The following DROSHA variants were observed in gnomAD, a reference collection of about 807,000 sequenced individuals.
DROSHA encodes the protein ribonuclease 3.
Under a neutral mutation model 181.9 loss-of-function variants are expected in DROSHA, and 56 were observed. The observed-to-expected ratio is 0.31, with a 90% confidence interval of 0.25 to 0.38. The LOEUF (loss-of-function observed/expected upper bound fraction) is 0.38. Ranked by LOEUF, DROSHA falls within the 10% of genes least tolerant of loss-of-function variation. DROSHA has a pLI of 1.00. For synonymous variants in DROSHA, 524 were observed against 591.2 expected, an observed-to-expected ratio of 0.89 and a Z score of 1.65; for missense variants, 1,218 against 1,743.5, an observed-to-expected ratio of 0.70 and a Z score of 5.37.
chr5:31,484,952 A>T lies in DROSHA; in HGVS notation c.1925T>A (p.Val642Glu). Residue 642 changes from valine to glutamate, a missense_variant, in exon 15 of 36, where the codon GTG becomes GAG. By Grantham distance (121) the Val-to-Glu change is moderately radical. Transcript: ENST00000344624. Reference sequence around the variant, plus strand: ...CAGTGAAAAGAGTTCAAGCCCTTTCACACAAAAATTCTGAAAAATAAACCA... The same window carrying T: ...CAGTGAAAAGAGTTCAAGCCCTTTCTCACAAAAATTCTGAAAAATAAACCA... ...IEEMMPENFC[V>E]KGLELFSLFL... 1 of 1,540,616 alleles carries T rather than the reference A, an allele frequency of 6.5e-7. No individual in the cohort carries two copies.
intron 16 of DROSHA, among the ~76,000 whole-genome samples, chr5:31,479,775 A>G (rs1750810235): frequency 6.6e-6 from 1 of 152,148 alleles, no homozygotes. Context: ...ATATTTGAAT[A>G]GCATATGTAC....
In DROSHA at chr5:31,409,034, C is replaced by T. The variant is rs1371679662; in HGVS notation, c.3854+22G>A. The T allele has an allele frequency of 3.1e-6, 5 of 1,608,410 alleles. No homozygotes were observed. The highest frequency in any genetic ancestry group is 4.2e-6 in the Non-Finnish European group (5 of 1,176,902). On this transcript the variant is annotated intron_variant, in intron 33 of 35. Transcript: ENST00000344624. The surrounding 1 kb of genome is among the most constrained non-coding windows in gnomAD (Gnocchi z 4.0). The stretch of plus-strand genomic sequence containing the variant: ...TAGGCATGCTGGATCCAACCAATGG[C>T]CTGCAGGCAACAAGTACTTACTTGT...
At chr5:31,440,074 C>T (rs751174513) in intron 23 of DROSHA, among the ~76,000 whole-genome samples, 2 of 152,066 alleles carry the variant, frequency 1.3e-5, no homozygotes, top group Non-Finnish European at 2.9e-5. Context: ...CTTTTATCAA[C>T]TAGCAACTTT....
At chr5:31,455,401 C>T (rs1005144600) in intron 20 of DROSHA, among the ~76,000 whole-genome samples, 5 of 151,536 alleles carry the variant, frequency 3.3e-5, no homozygotes, top group Admixed American at 2.0e-4. Context: ...CTTTAAAAAT[C>T]AAAATAATAG....
rs1740552888 is a variant in DROSHA at position 31,405,671 on chromosome 5, G to T, written c.3994+6C>A. 1 of 1,552,602 alleles carries T rather than the reference G, an allele frequency of 6.4e-7. No individual in the cohort carries two copies. Among genetic ancestry groups the T allele is most frequent in the African/African-American group, 1.4e-5 (1 of 71,972 alleles). On this transcript the variant is annotated splice_donor_region_variant and intron_variant, in intron 35 of 35. Transcript: ENST00000344624. ...AACATAATTATAGAAAAAAAAACAG[G>T]CTTACATTTTTCAAGCGCATCCATT...
chr5:31,445,802 T>C (rs939622832), intron 23 of DROSHA, among the ~76,000 whole-genome samples: 5 of 152,158 alleles, frequency 3.3e-5, no homozygotes, highest in African/African-American at 9.7e-5. Flanking sequence ...AAAGCATCTA[T>C]AAAAACCCAA....
chr5:31,431,498 T>C, intron 26 of DROSHA, 78 bp downstream of exon 26: 1 of 1,457,872 alleles, frequency 6.9e-7, no homozygotes, highest in Non-Finnish European at 9.5e-7. Context: ...GTCCCAAGTT[T>C]CCACACTAAA....
intron 20 of DROSHA, among the ~76,000 whole-genome samples, chr5:31,454,977 C>T (rs949870576): frequency 7.4e-5 from 11 of 148,964 alleles, no homozygotes; most frequent in African/African-American, 2.5e-4. Flanking sequence ...GAGAAACATA[C>T]CAATAACCTT....
chr5:31,405,790 T>G (rs895596778), intron 34 of DROSHA, 67 bp from the exon 35 acceptor site: 4 of 1,179,214 alleles, frequency 3.4e-6, no homozygotes, highest in Non-Finnish European at 3.4e-6. Context: ...TTTTTTTTTT[T>G]TCAAAAAATG....
intron 23 of DROSHA, among the ~76,000 whole-genome samples, chr5:31,438,937 T>C (rs532635885): frequency 1.3e-5 from 2 of 152,126 alleles, no homozygotes; most frequent in East Asian, 1.9e-4. Flanking sequence ...CCTCCAGCCA[T>C]AGGGAAGAAT....
chr5:31,424,090 G>C (rs947414424), intron 28 of DROSHA, among the ~76,000 whole-genome samples: 1 of 152,160 alleles, frequency 6.6e-6, no homozygotes, highest in Non-Finnish European at 1.5e-5. Context: ...CCCTGCAAAA[G>C]CAAGTGTGTA....
intron 8 of DROSHA, among the ~76,000 whole-genome samples, chr5:31,511,861 TCTC>T (rs1738719389): frequency 6.6e-6 from 1 of 151,964 alleles, no homozygotes; most frequent in Non-Finnish European, 1.5e-5. Context: ...TAACCTATCT[TCTC>T]CTATATCAAT....
chr5:31,484,786 T>G (rs1751544499), intron 15 of DROSHA, 95 bp downstream of exon 15: 1 of 859,946 alleles, frequency 1.2e-6, no homozygotes. Flanking sequence ...TAAGAGAAAT[T>G]TCAACTATCT....
intron 24 of DROSHA, 58 bp downstream of exon 24, chr5:31,437,181 A>G (rs1022877051): frequency 3.3e-6 from 5 of 1,495,772 alleles, no homozygotes; most frequent in Non-Finnish European, 4.6e-6. Context: ...TGTAATAAGT[A>G]TGTTACCTAT....
intron 20 of DROSHA, among the ~76,000 whole-genome samples, chr5:31,463,251 C>T (rs1162432082): frequency 6.6e-6 from 1 of 152,138 alleles, no homozygotes; most frequent in African/African-American, 2.4e-5. Flanking sequence ...CAATATTACA[C>T]CAATAGCAGT....
chr5:31,438,087 G>T (rs1308704264), intron 23 of DROSHA, among the ~76,000 whole-genome samples: 2 of 152,144 alleles, frequency 1.3e-5, no homozygotes, highest in African/African-American at 4.8e-5. Flanking sequence ...ATATCCCACA[G>T]GCTGTTATTT....
chr5:31,453,606 T>C (rs144787103), intron 20 of DROSHA, among the ~76,000 whole-genome samples: 2,145 of 152,334 alleles, frequency 0.014, 18 homozygotes, highest in South Asian at 0.023. Flanking sequence ...TGGCAGGCTT[T>C]CCACATCTTG....
chr5:31,491,908 C>T (rs943822780), intron 13 of DROSHA, among the ~76,000 whole-genome samples: 1 of 152,224 alleles, frequency 6.6e-6, no homozygotes, highest in African/African-American at 2.4e-5. Context: ...GATTCTTGTG[C>T]CTCAACCTCT....
intron 30 of DROSHA, among the ~76,000 whole-genome samples, chr5:31,416,079 C>A (rs990919311): frequency 1.3e-4 from 20 of 152,172 alleles, no homozygotes; most frequent in African/African-American, 4.3e-4. Flanking sequence ...TACATTTGCT[C>A]AATTGTCCTT....
Sources: gnomAD v4.1 joint callset for allele counts (sites outside exome capture counted in the v4.1 genomes callset) on GRCh38, gnomAD v4.1.1 for gene constraint, Gnocchi (gnomAD v3.1) non-coding constraint, MANE v1.5 for transcripts, NCBI Gene and HGNC (gene_info 2026-07-23, HGNC 2026-07-21) for gene names.